ITPRID1: variants seen among roughly 807,000 people sequenced by gnomAD.
The protein encoded by ITPRID1 is ITPR interacting domain containing 1.
In ITPRID1, 96 loss-of-function variants were observed where a neutral mutation model predicts 95.4. That is an observed-to-expected ratio of 1.01 (90% CI 0.85 to 1.19). ITPRID1 has a LOEUF of 1.19. Among genes scored for constraint, ITPRID1 ranks in the 50% most tolerant of loss-of-function variants. The probability of loss-of-function intolerance (pLI) is 0.00; values close to 1 mark genes in which losing one functional copy is unlikely to be tolerated. For missense variants in ITPRID1, 1,339 were observed against 1,252.9 expected, an observed-to-expected ratio of 1.07 and a Z score of -1.04; for synonymous variants, 510 against 453.6, an observed-to-expected ratio of 1.12 and a Z score of -1.58.
chr7:31,525,963 T>TAA (rs59590454), intron 1 of ITPRID1, among the ~76,000 whole-genome samples: 1 of 151,872 alleles, frequency 6.6e-6, no homozygotes, highest in African/African-American at 2.4e-5. Context: ...CTGGGAATGT[T>TAA]AAAAAAAATA....
At chr7:31,579,045 G>C (rs1286645678) in intron 9 of ITPRID1, among the ~76,000 whole-genome samples, 1 of 152,048 alleles carries the variant, frequency 6.6e-6, no homozygotes, top group African/African-American at 2.4e-5. Context: ...TGTTTGCTTT[G>C]GGATGTATTG....
chr7:31,515,231 A>G (rs1165946317), intron 1 of ITPRID1, among the ~76,000 whole-genome samples: 1 of 152,082 alleles, frequency 6.6e-6, no homozygotes, highest in African/African-American at 2.4e-5. Context: ...CTAGAAAAAT[A>G]CATGAACTTA....
chr7:31,569,044 C>T (rs1027737028), intron 5 of ITPRID1, among the ~76,000 whole-genome samples: 18 of 152,156 alleles, frequency 1.2e-4, no homozygotes, highest in Non-Finnish European at 2.4e-4. Context: ...CACATTGCCT[C>T]GCACTAAGTT....
intron 12 of ITPRID1, among the ~76,000 whole-genome samples, chr7:31,644,664 T>C (rs1790311735): frequency 6.6e-6 from 1 of 152,214 alleles, no homozygotes; most frequent in African/African-American, 2.4e-5. Context: ...AGCCCTTGAT[T>C]AATCAGTAAT....
intron 1 of ITPRID1, among the ~76,000 whole-genome samples, chr7:31,533,702 T>C (rs1022884380): frequency 8.5e-5 from 13 of 152,366 alleles, no homozygotes; most frequent in Admixed American, 8.5e-4. Context: ...ATTTTTATTG[T>C]GATTTCTTCT....
At chr7:31,583,364 G>T (rs981692767) in intron 10 of ITPRID1, among the ~76,000 whole-genome samples, 173 bp downstream of exon 10, 3 of 152,184 alleles carry the variant, frequency 2.0e-5, no homozygotes, top group African/African-American at 7.2e-5. Flanking sequence ...GGTGGCTCAT[G>T]CCTGTAATCT....
chr7:31,529,123 TACTC>T (rs1783513561), intron 1 of ITPRID1, among the ~76,000 whole-genome samples: 1 of 152,216 alleles, frequency 6.6e-6, no homozygotes, highest in African/African-American at 2.4e-5. Context: ...TGTTAGTTCT[TACTC>T]ACAATTTGGA....
intron 10 of ITPRID1, among the ~76,000 whole-genome samples, chr7:31,632,723 G>A (rs17160329): frequency 0.045 from 6,833 of 152,124 alleles, 441 homozygotes; most frequent in African/African-American, 0.14. Context: ...TGGTCAGACC[G>A]TCATCCCTAC....
chr7:31,620,857 G>GA (rs926263233), intron 10 of ITPRID1, among the ~76,000 whole-genome samples: 1 of 152,008 alleles, frequency 6.6e-6, no homozygotes, highest in Non-Finnish European at 1.5e-5. Context: ...TAAAAACTTT[G>GA]AAAAAAATTT....
At chr7:31,547,573 C>T (rs537703687) in intron 1 of ITPRID1, among the ~76,000 whole-genome samples, 2 of 152,028 alleles carry the variant, frequency 1.3e-5, no homozygotes, top group African/African-American at 4.8e-5. Context: ...GTCCTTCCCT[C>T]GATATGGGGA....
intron 1 of ITPRID1, among the ~76,000 whole-genome samples, chr7:31,529,139 T>G (rs1783514223): frequency 6.6e-6 from 1 of 152,186 alleles, no homozygotes; most frequent in Non-Finnish European, 1.5e-5. Context: ...CAATTTGGAC[T>G]TCTTCTTTAT....
At chr7:31,590,116 T>C (rs1358025041) in intron 10 of ITPRID1, among the ~76,000 whole-genome samples, 1 of 152,134 alleles carries the variant, frequency 6.6e-6, no homozygotes, top group African/African-American at 2.4e-5. Context: ...TAGCCCAGGT[T>C]GAAGTGCAGT....
intron 1 of ITPRID1, among the ~76,000 whole-genome samples, chr7:31,529,261 A>G (rs1783517816): frequency 6.6e-6 from 1 of 152,208 alleles, no homozygotes. Context: ...CCTCATTTCC[A>G]GTGATGGTTT....
At chr7:31,612,377 T>G (rs945138616) in intron 10 of ITPRID1, among the ~76,000 whole-genome samples, 1 of 152,062 alleles carries the variant, frequency 6.6e-6, no homozygotes, top group African/African-American at 2.4e-5. Flanking sequence ...GTTTTGTTTT[T>G]GTGTGTGTGG....
intron 6 of ITPRID1, among the ~76,000 whole-genome samples, chr7:31,570,736 A>G (rs752361614): frequency 7.9e-5 from 12 of 152,208 alleles, no homozygotes; most frequent in Non-Finnish European, 1.5e-4. Context: ...CTTTATTACA[A>G]CAGTGACTCT....
chr7:31,651,346 G>A, intron 13 of ITPRID1, 77 bp downstream of exon 13: 1 of 1,512,782 alleles, frequency 6.6e-7, no homozygotes, highest in Non-Finnish European at 8.9e-7. Context: ...GGGCAGAACA[G>A]AGGAGCACCC....
At chr7:31,622,173 A>C (rs1211587827) in intron 10 of ITPRID1, among the ~76,000 whole-genome samples, 4 of 134,998 alleles carry the variant, frequency 3.0e-5, no homozygotes, top group African/African-American at 5.5e-5. Context: ...TTAACACCCC[A>C]CTGTCAACAT....
chr7:31,599,706 TTCTTTCTC>T (rs1786304762), intron 10 of ITPRID1, among the ~76,000 whole-genome samples: 3 of 147,968 alleles, frequency 2.0e-5, no homozygotes, highest in Non-Finnish European at 4.5e-5. Flanking sequence ...CTTTCTTTCT[TTCTTTCTC>T]TTTTTTTGAT....
At chr7:31,569,147 C>T (rs992072809) in intron 5 of ITPRID1, among the ~76,000 whole-genome samples, 1 of 152,140 alleles carries the variant, frequency 6.6e-6, no homozygotes, top group African/African-American at 2.4e-5. Flanking sequence ...ACTATGGGCT[C>T]ATTACTAAAG....
Sources: allele counts gnomAD v4.1 joint callset (sites outside exome capture counted in the v4.1 genomes callset), GRCh38; gene constraint gnomAD v4.1.1; transcripts MANE v1.5; gene names NCBI Gene and HGNC (gene_info 2026-07-23, HGNC 2026-07-21).